Variants in APC observed in about 807,000 individuals in gnomAD.
APC encodes the protein APC regulator of Wnt signaling pathway, also known as adenomatous polyposis coli protein.
A neutral mutation model predicts 247.0 loss-of-function variants in APC; 72 were observed. The ratio of observed to expected loss-of-function variants is 0.29; its 90% CI spans 0.24 to 0.35. APC has a LOEUF of 0.35. Ranked by LOEUF, APC falls within the 10% of genes least tolerant of loss-of-function variation. The pLI is 1.00. For synonymous variants in APC, 1,254 were observed against 1,162.5 expected (o/e 1.08, Z -1.60); for missense variants, 3,400 against 3,360.7 (o/e 1.01, Z -0.29).
chr5:112,800,221 T>C (rs1760665940), intron 7 of APC, among the ~76,000 whole-genome samples: 1 of 152,208 alleles, frequency 6.6e-6, no homozygotes. Flanking sequence ...TCACTTACGT[T>C]AGTGTCAAAT....
chr5:112,801,926 A>T (rs1016224604), intron 8 of APC, among the ~76,000 whole-genome samples: 5 of 152,098 alleles, frequency 3.3e-5, no homozygotes, highest in Admixed American at 3.3e-4. Context: ...AAAATTATGA[A>T]AGTAAACTTT....
intron 6 of APC, among the ~76,000 whole-genome samples, chr5:112,789,959 A>G (rs1228786864): frequency 6.6e-6 from 1 of 151,708 alleles, no homozygotes; most frequent in Non-Finnish European, 1.5e-5. Context: ...TCCCAGGCTC[A>G]AGCCATCCTC....
At chr5:112,760,594 A>G (rs1341805325) in intron 2 of APC, among the ~76,000 whole-genome samples, 2 of 152,224 alleles carry the variant, frequency 1.3e-5, no homozygotes, top group Non-Finnish European at 2.9e-5. Flanking sequence ...TGTTTAGGAA[A>G]GACCTATTAG....
chr5:112,815,632 A>T (rs774583109), intron 9 of APC, 39 bp downstream of exon 9: 1 of 1,521,160 alleles, frequency 6.6e-7, no homozygotes, highest in Admixed American at 1.7e-5. Flanking sequence ...TAATGCCATG[A>T]CTACTTTGCT....
rs767619059 is a variant in APC at position 112,839,716 on chromosome 5, A to G, written c.4122A>G (p.Glu1374=). 3.1e-6 allele frequency: 5 copies of G among 1,614,034 alleles called. No homozygotes were observed. The South Asian group carries it at 3.3e-5, about 11-fold the overall frequency. The change falls in exon 16 of 16, where the codon GAA becomes GAG. Residue 1374 remains glutamate, a synonymous_variant. Coordinates refer to ENST00000257430, the MANE Select transcript of APC (RefSeq NM_000038.6). The surrounding 1 kb of genome is among the most constrained non-coding windows in gnomAD (Gnocchi z 5.0). ...CTCAGACACCCAAAAGTCCACCTGA[A>G]CACTATGTTCAGGAGACCCCACTCA... is the stretch of plus-strand genomic sequence containing the variant. ...SGAQTPKSPP[E]HYVQETPLMF...
chr5:112,709,350 A>G (rs1750715640), intron 1 of APC, among the ~76,000 whole-genome samples: 1 of 152,202 alleles, frequency 6.6e-6, no homozygotes, highest in South Asian at 2.1e-4. Context: ...TAGAGATAGA[A>G]TTGTTCAGCT....
intron 1 of APC, among the ~76,000 whole-genome samples, chr5:112,738,666 A>G (rs1194492900): frequency 6.6e-6 from 1 of 152,240 alleles, no homozygotes; most frequent in Non-Finnish European, 1.5e-5. Context: ...GGCCGAAAAG[A>G]CAACTGCAGA....
rs587780595 is a variant in APC, at chr5:112,839,148, C to G, written c.3554C>G (p.Thr1185Arg). The change falls in exon 16 of 16, where the codon ACA becomes AGA. Residue 1185 changes from threonine to arginine, a missense_variant. By Grantham distance (71) the Thr-to-Arg change is moderately conservative (BLOSUM62 -1). This residue lies in a region of APC where 715 missense variants were observed against 656.6 expected (regional missense o/e 1.09). Coordinates refer to ENST00000257430, the MANE Select transcript of APC (RefSeq NM_000038.6). This position sits in a 1 kb window ranked among gnomAD's most constrained non-coding sequence, Gnocchi z 5.0. ...QPIDYSLKYATDIPSSQKQSF... is the reference protein window; with the variant it reads ...QPIDYSLKYARDIPSSQKQSF... ...ATTGATTATAGTTTAAAATATGCCA[C>G]AGATATTCCTTCATCACAGAAACAG... 1 of 1,614,090 alleles carries G rather than the reference C, an allele frequency of 6.2e-7. No homozygotes were observed. The highest frequency in any genetic ancestry group is 1.1e-5 in the South Asian group (1 of 91,080).
chr5:112,724,036 C>T (rs1488126891), intron 1 of APC, among the ~76,000 whole-genome samples: 4 of 152,098 alleles, frequency 2.6e-5, no homozygotes, highest in East Asian at 3.8e-4. Context: ...GATCTTTTAA[C>T]GGCTCCCTTT....
intron 1 of APC, among the ~76,000 whole-genome samples, chr5:112,739,385 T>G (rs1561420713): frequency 1.3e-5 from 2 of 152,224 alleles, no homozygotes; most frequent in African/African-American, 4.8e-5. Flanking sequence ...AAATAATGTT[T>G]ATGTAATAGA....
intron 2 of APC, among the ~76,000 whole-genome samples, chr5:112,764,767 C>T (rs1250641872): frequency 6.6e-6 from 1 of 152,080 alleles, no homozygotes; most frequent in South Asian, 2.1e-4. Context: ...TATTGAAGGA[C>T]TAAAACAGTA....
chr5:112,813,556 G>A (rs1762190059), intron 8 of APC, among the ~76,000 whole-genome samples: 1 of 152,038 alleles, frequency 6.6e-6, no homozygotes, highest in Non-Finnish European at 1.5e-5. Flanking sequence ...TTTCTATGTT[G>A]TCTACCAAAG....
chr5:112,761,026 G>A (rs1020118070), intron 2 of APC, among the ~76,000 whole-genome samples: 2 of 152,032 alleles, frequency 1.3e-5, no homozygotes, highest in Non-Finnish European at 2.9e-5. Flanking sequence ...AGCCAGGATG[G>A]TCTTGATCTC....
chr5:112,816,418 G>A lies in APC; in HGVS notation c.933+825G>A, dbSNP rs544250405. 2.7e-4 allele frequency among the ~76,000 whole-genome samples: 41 copies of A among 152,306 alleles called. 1 individual carries two copies. The highest frequency in any genetic ancestry group is 9.6e-4 in the African/African-American group (40 of 41,560). On this transcript the variant is annotated intron_variant, in intron 9 of 15. Transcript: ENST00000257430. ...TTGTTGAAGTTGAGTGTTATTTCATGCTGATAAGTGAGCTTTCTTAGAGTA... is the reference window on the plus strand; with the variant it reads ...TTGTTGAAGTTGAGTGTTATTTCATACTGATAAGTGAGCTTTCTTAGAGTA...
rs532471461 is a variant in APC at position 112,774,774 on chromosome 5, GC to G, written c.423-850del. The stretch of plus-strand genomic sequence containing the variant: ...TTACAGGCATGTGCCACCACACCTG[GC>G]CCCCAGGATCAATTTTTAAGTGAAA... On this transcript the variant is annotated intron_variant, in intron 4 of 15. Coordinates refer to ENST00000257430, the MANE Select transcript of APC (RefSeq NM_000038.6). 3.3e-5 allele frequency among the ~76,000 whole-genome samples: 5 copies of G among 152,016 alleles called. No individual in the cohort carries two copies. In the East Asian group the frequency reaches 9.7e-4, roughly 29 times the overall value.
intron 2 of APC, among the ~76,000 whole-genome samples, chr5:112,766,095 T>A (rs1054424445): frequency 6.6e-6 from 1 of 152,140 alleles, no homozygotes; most frequent in Non-Finnish European, 1.5e-5. Flanking sequence ...TAAATGTGTT[T>A]CTAATACCTT....
At position 112,773,197 on chromosome 5, in the gene APC, TA is replaced by T. The variant is rs146097008; in HGVS notation, c.423-2429del. Among the ~76,000 whole-genome samples, 161 of 152,276 alleles carry T rather than the reference TA, an allele frequency of 1.1e-3. 2 individuals carry two copies. In the East Asian group the frequency reaches 0.026, roughly 25 times the overall value. ...TCTTATTTTTTAAGTTGCTTCTCAG[TA>T]AAGGAAAATACATTTTAGCAAGAAC... On this transcript the variant is annotated intron_variant, in intron 4 of 15. Coordinates refer to ENST00000257430, the MANE Select transcript of APC (RefSeq NM_000038.6).
intron 6 of APC, among the ~76,000 whole-genome samples, chr5:112,789,457 C>T (rs971490757): frequency 2.0e-5 from 3 of 152,190 alleles, no homozygotes; most frequent in Non-Finnish European, 4.4e-5. Context: ...TGTCAGAAAC[C>T]ATCCACCTCA....
Position 112,837,894 on chromosome 5 carries a change from A to G in APC, c.2300A>G (p.Gln767Arg), listed in dbSNP as rs1554084064. Residue 767 changes from glutamine (Q) to arginine (R), a missense_variant, in exon 16 of 16, where the codon CAG becomes CGG. By Grantham distance (43) the Gln-to-Arg change is conservative. This residue lies in a region of APC where 91 missense variants were observed against 103.3 expected (regional missense o/e 0.88). Coordinates refer to ENST00000257430, the MANE Select transcript of APC (RefSeq NM_000038.6). ...QKALEAELDA[Q>R]HLSETFDNID... is the part of the protein sequence containing the mutation. ...GCCCTAGAAGCAGAATTAGATGCTC[A>G]GCACTTATCAGAAACTTTTGACAAT... 2 of 1,614,168 alleles carry G rather than the reference A, an allele frequency of 1.2e-6. No individual in the cohort carries two copies. Among genetic ancestry groups the G allele is most frequent in the Non-Finnish European group, 1.7e-6 (2 of 1,180,042 alleles).
Sources: gnomAD v4.1 joint callset for allele counts (sites outside exome capture counted in the v4.1 genomes callset) on GRCh38, gnomAD v4.1.1 for gene constraint, gnomAD v4.1.1 regional missense constraint, Gnocchi (gnomAD v3.1) non-coding constraint, MANE v1.5 for transcripts, NCBI Gene and HGNC (gene_info 2026-07-23, HGNC 2026-07-21) for gene names.